The following MGST2 variants were observed in gnomAD, a reference collection of about 807,000 sequenced individuals.
MGST2 encodes the protein microsomal glutathione S-transferase 2, also known as glutathione peroxidase MGST2.
Under a neutral mutation model 16.6 loss-of-function variants are expected in MGST2, and 9 were observed. The ratio of observed to expected loss-of-function variants is 0.54; its 90% CI spans 0.33 to 0.95. The LOEUF (loss-of-function observed/expected upper bound fraction) is 0.95. MGST2 is among the 40% of genes least tolerant of loss of function. MGST2 has a pLI of 0.03. For synonymous variants in MGST2, 79 were observed against 68.0 expected (o/e 1.16, Z -0.79); for missense variants, 159 against 175.1 (o/e 0.91, Z 0.52).
At chr4:139,690,026 C>G (rs1012340375) in intron 2 of MGST2, among the ~76,000 whole-genome samples, 3 of 152,170 alleles carry the variant, frequency 2.0e-5, no homozygotes, top group African/African-American at 7.2e-5. Flanking sequence ...GAGCCTTGCT[C>G]TGTTGCCCAG....
intron 5 of MGST2, among the ~76,000 whole-genome samples, chr4:139,712,006 G>T (rs1727761635): frequency 6.6e-6 from 1 of 152,196 alleles, no homozygotes; most frequent in African/African-American, 2.4e-5. Context: ...GACAAGAGGT[G>T]ATATCTGGAA....
intron 5 of MGST2, among the ~76,000 whole-genome samples, chr4:139,711,704 T>C (rs345973): frequency 0.32 from 49,307 of 152,072 alleles, 9,208 homozygotes; most frequent in Middle Eastern, 0.46. Context: ...TCCTGTGACT[T>C]AGAATGCCTT....
chr4:139,722,505 C>A (rs1032348970), intron 5 of MGST2, among the ~76,000 whole-genome samples: 1 of 152,128 alleles, frequency 6.6e-6, no homozygotes, highest in Non-Finnish European at 1.5e-5. Context: ...TTGTGAGACA[C>A]TGTAATCTAA....
At chr4:139,698,293 C>T (rs1291529408) in intron 3 of MGST2, 18 of 1,264,586 alleles carry the variant, frequency 1.4e-5, no homozygotes, top group Admixed American at 9.1e-5. Flanking sequence ...CCGATAGCTG[C>T]GCTCTGGAAG....
rs1441294655 is a variant in MGST2 at position 139,704,146 on chromosome 4, T to C, written c.442T>C (p.Ter148GlnextTer?). ...NIAKKLRRQF[*>Q] ...TGCCAAGAAACTGAGGCGGCAATTC[T>C]AACTTTTTCTCTTCCCTTTAATACT... Residue 148 changes from the stop codon to glutamine (Q), a stop_lost, in exon 5 of 5, where the codon TAA (stop) becomes CAA (glutamine). Coordinates refer to ENST00000265498, the MANE Select transcript of MGST2 (RefSeq NM_002413.5). 6.8e-6 allele frequency: 11 copies of C among 1,614,094 alleles called. No individual in the cohort carries two copies. In the Admixed American group the frequency reaches 1.7e-4, roughly 24 times the overall value.
At chr4:139,753,341 AATCTATCT>A in the MGST2 span, among the ~76,000 whole-genome samples, 546 of 146,688 alleles carry the variant, frequency 3.7e-3, 2 homozygotes, top group Middle Eastern at 0.011. Flanking sequence ...TTTTCTTTTT[AATCTATCT>A]ATCTATCTAT....
chr4:139,685,454 A>C (rs1014502352), intron 2 of MGST2: 2 of 152,920 alleles, frequency 1.3e-5, no homozygotes, highest in Non-Finnish European at 2.9e-5. Flanking sequence ...GTCTGCTCTC[A>C]TTCTCTTTGT....
At chr4:139,719,413 C>G (rs764758618) in intron 5 of MGST2, 6 of 1,614,008 alleles carry the variant, frequency 3.7e-6, no homozygotes, top group Non-Finnish European at 5.1e-6. Context: ...CTGCACCGTC[C>G]GGGAGGCCAG....
At chr4:139,669,126 G>A (rs531369809) in intron 1 of MGST2, among the ~76,000 whole-genome samples, 1 of 152,278 alleles carries the variant, frequency 6.6e-6, no homozygotes, top group South Asian at 2.1e-4. Context: ...AGGCACATCT[G>A]ACACCTTTTC....
intron 5 of MGST2, chr4:139,725,712 C>T (rs1579362784): frequency 1.1e-5 from 17 of 1,589,860 alleles, no homozygotes; most frequent in Non-Finnish European, 1.3e-5. Flanking sequence ...CGCTTCACCA[C>T]TGGAAGGTAT....
rs70943437 is a variant in MGST2 at position 139,731,435 on chromosome 4, T to TAAAAAAAAAAAAA, written c.*49-8756_*49-8744dup. The stretch of plus-strand genomic sequence containing the variant: ...CAAGATGGTGAAACCCTGTCTCTAC[T>TAAAAAAAAAAAAA]AAAAAAAAAAAAAAAAAAAAAAAAA... On this transcript the variant is annotated intron_variant, in intron 5 of 5. Transcript: ENST00000616265. 4 of 38,716 alleles carry TAAAAAAAAAAAAA rather than the reference T, an allele frequency of 1.0e-4. 1 individual carries two copies. Among genetic ancestry groups the TAAAAAAAAAAAAA allele is most frequent in the Non-Finnish European group, 1.5e-4 (3 of 20,062 alleles). The allele number at this position is 38,716 out of a possible 1,614,324, so 2.4% of individuals were successfully genotyped here.
chr4:139,722,126 A>C (rs568318896), intron 5 of MGST2, among the ~76,000 whole-genome samples: 1 of 152,338 alleles, frequency 6.6e-6, no homozygotes, highest in Non-Finnish European at 1.5e-5. Context: ...ACTGTCTGGA[A>C]TAATTTTGTG....
chr4:139,739,034 T>A (rs1355156405), intron 5 of MGST2, among the ~76,000 whole-genome samples: 1 of 152,202 alleles, frequency 6.6e-6, no homozygotes, highest in African/African-American at 2.4e-5. Context: ...TAAGCTCCTT[T>A]GGGACCAAGA....
intron 5 of MGST2, among the ~76,000 whole-genome samples, chr4:139,713,100 C>G (rs1019445752): frequency 6.6e-6 from 1 of 152,184 alleles, no homozygotes; most frequent in African/African-American, 2.4e-5. Flanking sequence ...GCATGCTTCT[C>G]TGTTCCAAGT....
At chr4:139,690,539 C>T (rs1293252584) in intron 2 of MGST2, among the ~76,000 whole-genome samples, 1 of 152,146 alleles carries the variant, frequency 6.6e-6, no homozygotes, top group African/African-American at 2.4e-5. Flanking sequence ...CCCAGATTCT[C>T]CATGGTTTAA....
intron 5 of MGST2, among the ~76,000 whole-genome samples, chr4:139,732,838 A>AT (rs1388879318): frequency 6.6e-6 from 1 of 152,130 alleles, no homozygotes; most frequent in Non-Finnish European, 1.5e-5. Context: ...ACTGCGTTCT[A>AT]TTTTTTATGT....
At chr4:139,669,818 T>G (rs1187294800) in intron 1 of MGST2, among the ~76,000 whole-genome samples, 2 of 152,244 alleles carry the variant, frequency 1.3e-5, no homozygotes, top group East Asian at 3.8e-4. Flanking sequence ...TACAGCAGTT[T>G]GTATACCATT....
At chr4:139,752,395 C>T in the MGST2 span, among the ~76,000 whole-genome samples, 4 of 152,136 alleles carry the variant, frequency 2.6e-5, no homozygotes, top group Non-Finnish European at 4.4e-5. Context: ...TCTAGCATGG[C>T]GGACCCAACT....
intron 2 of MGST2, among the ~76,000 whole-genome samples, chr4:139,684,928 G>A (rs1731478575): frequency 6.6e-6 from 1 of 152,128 alleles, no homozygotes; most frequent in Non-Finnish European, 1.5e-5. Flanking sequence ...CTCAGGAGTG[G>A]GAAGCAGAGG....
Sources: allele counts gnomAD v4.1 joint callset (sites outside exome capture counted in the v4.1 genomes callset), GRCh38; gene constraint gnomAD v4.1.1; transcripts MANE v1.5; gene names NCBI Gene and HGNC (gene_info 2026-07-23, HGNC 2026-07-21).